Variants in BMI1 observed in about 807,000 individuals in gnomAD.
BMI1 encodes BMI1 proto-oncogene, polycomb ring finger.
Under a neutral mutation model 39.1 loss-of-function variants are expected in BMI1, and 9 were observed. That is an observed-to-expected ratio of 0.23 (90% confidence interval 0.14 to 0.40). BMI1 has a LOEUF of 0.40. Ranked by LOEUF, BMI1 falls within the 10% of genes least tolerant of loss-of-function variation. The pLI is 1.00. For missense variants in BMI1, 252 were observed against 390.8 expected (o/e 0.64, Z 2.99); for synonymous variants, 131 against 127.9 (o/e 1.02, Z -0.16).
rs931967418 is a variant in BMI1 at position 22,321,556 on chromosome 10, G to C, written c.-160G>C. On this transcript the variant is annotated 5_prime_UTR_variant, in exon 1 of 10. Transcript: ENST00000376663. ...GGCGGCCGCGGCTGCTCGGGGCCGC[G>C]CTGGTTGCCCATTGACAGCGGCGTC... The C allele has an allele frequency of 6.5e-6, 1 of 153,316 alleles. No homozygotes were observed. The highest frequency in any genetic ancestry group is 1.5e-5 in the Non-Finnish European group (1 of 68,514). The allele number at this position is 153,316 out of a possible 1,614,324, so 9.5% of individuals were successfully genotyped here. A position where few individuals can be genotyped will look rare whatever the true frequency, so the allele number is the denominator to read the frequency against.
At chr10:22,327,086 A>G in intron 3 of BMI1, 100 bp downstream of exon 3, 2 of 1,290,302 alleles carry the variant, frequency 1.6e-6, no homozygotes, top group Non-Finnish European at 2.2e-6. Context: ...TTTACTCTTG[A>G]ATACATAACT....
intron 7 of BMI1, 148 bp from the exon 8 acceptor site, chr10:22,328,452 A>C (rs369952524): frequency 1.3e-6 from 1 of 794,594 alleles, no homozygotes; most frequent in Non-Finnish European, 1.9e-6. Context: ...ATTTGTAATG[A>C]TAGTAAACTC....
At position 22,330,704 on chromosome 10, in the gene BMI1, G is replaced by A. The variant is rs1836264787; in HGVS notation, c.*1162G>A. Reference sequence around the variant, plus strand: ...TAAAGTTATTTTAATAGGTGGTATAGCAGTAATTTTAAATTTAAGAGTTGC... The same window carrying A: ...TAAAGTTATTTTAATAGGTGGTATAACAGTAATTTTAAATTTAAGAGTTGC... On this transcript the variant is annotated 3_prime_UTR_variant, in exon 10 of 10. Coordinates refer to ENST00000376663, the MANE Select transcript of BMI1 (RefSeq NM_005180.9). 6.6e-6 allele frequency: 1 copy of A among 152,412 alleles called. No individual in the cohort carries two copies. Among genetic ancestry groups the A allele is most frequent in the Admixed American group, 6.5e-5 (1 of 15,288 alleles). 9.4% of individuals were successfully genotyped at this position (152,412 alleles called of 1,614,324 possible).
At position 22,327,725 on chromosome 10, in the gene BMI1, C is replaced by T. The variant is rs1235798645; in HGVS notation, c.266-17C>T. 2 of 1,613,082 alleles carry T rather than the reference C, an allele frequency of 1.2e-6. No individual in the cohort carries two copies. Among genetic ancestry groups the T allele is most frequent in the South Asian group, 1.1e-5 (1 of 91,044 alleles). On this transcript the variant is annotated splice_polypyrimidine_tract_variant and intron_variant, in intron 4 of 9. Transcript: ENST00000376663. Reference sequence around the variant, plus strand: ...TTTGTGTTATGCCAAATGTTTACATCTTTTTTCCCCATTCAGATGAAATGA... The same window carrying T: ...TTTGTGTTATGCCAAATGTTTACATTTTTTTTCCCCATTCAGATGAAATGA...
At chr10:22,328,767 G>C (rs1386428978) in intron 8 of BMI1, 69 bp downstream of exon 8, 1 of 1,458,182 alleles carries the variant, frequency 6.9e-7, no homozygotes, top group Non-Finnish European at 9.2e-7. Flanking sequence ...TTTCACTTTG[G>C]ATTTTGAACC....
intron 1 of BMI1, 36 bp downstream of exon 1, chr10:22,321,732 G>A (rs1332302558): frequency 6.7e-6 from 1 of 148,906 alleles, no homozygotes; most frequent in East Asian, 2.0e-4. Flanking sequence ...GGACGGGGCT[G>A]GGGGCCGGCG....
chr10:22,323,429 AAATT>A (rs1191448691), intron 1 of BMI1, among the ~76,000 whole-genome samples: 2 of 152,236 alleles, frequency 1.3e-5, no homozygotes, highest in Admixed American at 6.5e-5. Context: ...TTTTGTAAGA[AAATT>A]AAGCATTTAA....
At chr10:22,324,155 G>A (rs1250663081) in intron 1 of BMI1, among the ~76,000 whole-genome samples, 1 of 152,126 alleles carries the variant, frequency 6.6e-6, no homozygotes, top group Non-Finnish European at 1.5e-5. Flanking sequence ...GTCTTTGTGT[G>A]GTGTTGGTTT....
intron 1 of BMI1, among the ~76,000 whole-genome samples, chr10:22,324,302 TC>T (rs1254526761): frequency 6.6e-6 from 1 of 152,232 alleles, no homozygotes; most frequent in African/African-American, 2.4e-5. Context: ...CTAGGAAAGA[TC>T]CTGTGGTTTC....
At chr10:22,328,275 A>G in intron 7 of BMI1, 96 bp downstream of exon 7, 1 of 1,353,300 alleles carries the variant, frequency 7.4e-7, no homozygotes, top group South Asian at 1.6e-5. Context: ...TAGGCTGTTA[A>G]ATAGAAGAAA....
intron 1 of BMI1, among the ~76,000 whole-genome samples, chr10:22,325,290 A>T (rs1040955479): frequency 6.6e-6 from 1 of 152,200 alleles, no homozygotes; most frequent in African/African-American, 2.4e-5. Context: ...ACAGTTGGCA[A>T]TTCTCAAAAA....
intron 1 of BMI1, among the ~76,000 whole-genome samples, chr10:22,325,393 GA>G (rs1023191686): frequency 2.6e-5 from 4 of 152,198 alleles, no homozygotes; most frequent in Non-Finnish European, 5.9e-5. Flanking sequence ...AAGTCGACGT[GA>G]AAAGAGGCCC....
chr10:22,322,660 C>G (rs1452947500), intron 1 of BMI1, among the ~76,000 whole-genome samples: 1 of 152,034 alleles, frequency 6.6e-6, no homozygotes, highest in East Asian at 1.9e-4. Context: ...CTTTTTTCCC[C>G]TTTTGGAGAC....
At chr10:22,326,716 T>C (rs528383369) in intron 2 of BMI1, 155 bp downstream of exon 2, 2 of 1,331,798 alleles carry the variant, frequency 1.5e-6, no homozygotes, top group South Asian at 2.9e-5. Context: ...TTTTTGTTAA[T>C]ATGTATTGAT....
At chr10:22,324,417 ACTC>A (rs1207391720) in intron 1 of BMI1, among the ~76,000 whole-genome samples, 1 of 151,934 alleles carries the variant, frequency 6.6e-6, no homozygotes, top group African/African-American at 2.4e-5. Context: ...TCTACCTACA[ACTC>A]CTCCGTGCCC....
rs1391872111 is a variant in BMI1, at chr10:22,321,182, C to G, written c.-534C>G. The G allele has an allele frequency of 2.0e-5, 3 of 149,050 alleles. No individual in the cohort carries two copies. Among genetic ancestry groups the G allele is most frequent in the African/African-American group, 7.4e-5 (3 of 40,764 alleles). The allele number at this position is 149,050 out of a possible 1,614,324, so 9.2% of individuals were successfully genotyped here. A position where few individuals can be genotyped will look rare whatever the true frequency, so the allele number is the denominator to read the frequency against. On this transcript the variant is annotated 5_prime_UTR_variant, in exon 1 of 10. Coordinates refer to ENST00000376663, the MANE Select transcript of BMI1 (RefSeq NM_005180.9). ...CTCCCCCCGCTCGCACGCACACACACGGCGCCCCCCGCCCGCCCGCCTCCC... is the reference window on the plus strand; with the variant it reads ...CTCCCCCCGCTCGCACGCACACACAGGGCGCCCCCCGCCCGCCCGCCTCCC...
Position 22,331,041 on chromosome 10 carries a change from A to G in BMI1, c.*1499A>G, listed in dbSNP as rs937306483. 1 of 152,586 alleles carries G rather than the reference A, an allele frequency of 6.6e-6. No individual in the cohort carries two copies. The highest frequency in any genetic ancestry group is 1.5e-5 in the Non-Finnish European group (1 of 67,974). The allele number at this position is 152,586 out of a possible 1,614,324, so 9.5% of individuals were successfully genotyped here. On this transcript the variant is annotated 3_prime_UTR_variant, in exon 10 of 10. Transcript: ENST00000376663. ...ACAATTCTATTGCTTTGTCTTGCTTATAGTCATTAAATCATTACTTTTACA... is the reference window on the plus strand; with the variant it reads ...ACAATTCTATTGCTTTGTCTTGCTTGTAGTCATTAAATCATTACTTTTACA...
Position 22,327,739 on chromosome 10 carries a change from C to T in BMI1, c.266-3C>T. 1.2e-6 allele frequency: 2 copies of T among 1,613,320 alleles called. No homozygotes were observed. Among genetic ancestry groups the T allele is most frequent in the Non-Finnish European group, 1.7e-6 (2 of 1,179,594 alleles). On this transcript the variant is annotated splice_polypyrimidine_tract_variant and splice_region_variant and intron_variant, in intron 4 of 9. Coordinates refer to ENST00000376663, the MANE Select transcript of BMI1 (RefSeq NM_005180.9). ...AATGTTTACATCTTTTTTCCCCATT[C>T]AGATGAAATGAAGAGAAGAAGGGAT...
chr10:22,327,126 G>A (rs749490687), intron 3 of BMI1, 140 bp downstream of exon 3: 23 of 965,700 alleles, frequency 2.4e-5, no homozygotes, highest in Non-Finnish European at 3.3e-5. Context: ...GAGGGTAGCC[G>A]TTTAATTTCT....
Sources: allele counts gnomAD v4.1 joint callset (sites outside exome capture counted in the v4.1 genomes callset), GRCh38; gene constraint gnomAD v4.1.1; transcripts MANE v1.5; gene names NCBI Gene and HGNC (gene_info 2026-07-23, HGNC 2026-07-21).